UMAD1: variants seen among roughly 807,000 people sequenced by gnomAD.
UMAD1 encodes the protein UBAP1-MVB12-associated (UMA)-domain containing protein 1.
A neutral mutation model predicts 6.1 loss-of-function variants in UMAD1; 8 were observed. The ratio of observed to expected loss-of-function variants is 1.30; its 90% CI spans 0.76 to 2.35. The LOEUF is 2.35. Ranked by LOEUF, UMAD1 falls within the 30% of genes most tolerant of loss-of-function variation. The pLI, the probability that UMAD1 is intolerant of heterozygous loss-of-function variation, is 0.00. For synonymous variants in UMAD1, 56 were observed against 31.4 expected (o/e 1.78, Z -2.61); for missense variants, 130 against 78.4 (o/e 1.66, Z -2.49).
chr7:7,705,952 C>G (rs2115162544), intron 2 of UMAD1, among the ~76,000 whole-genome samples: 1 of 152,144 alleles, frequency 6.6e-6, no homozygotes, highest in Non-Finnish European at 1.5e-5. Context: ...CCTAAAACTG[C>G]TCTAAAAAAT....
chr7:7,708,927 C>T (rs924848512), intron 2 of UMAD1, among the ~76,000 whole-genome samples: 2 of 148,818 alleles, frequency 1.3e-5, no homozygotes, highest in African/African-American at 5.0e-5. Context: ...GTTTGTGTGT[C>T]TGTGTGTGTG....
chr7:7,802,185 C>T (rs924387328), intron 3 of UMAD1, among the ~76,000 whole-genome samples: 3 of 152,142 alleles, frequency 2.0e-5, no homozygotes, highest in Non-Finnish European at 2.9e-5. Flanking sequence ...CAAGACCATC[C>T]TGGCCAACAT....
chr7:7,771,010 G>T (rs1208509137), intron 2 of UMAD1, among the ~76,000 whole-genome samples: 2 of 152,134 alleles, frequency 1.3e-5, no homozygotes, highest in Non-Finnish European at 2.9e-5. Context: ...AGCAACCCTA[G>T]AGAGTAACAC....
chr7:7,718,298 G>A (rs1171906498), intron 2 of UMAD1, among the ~76,000 whole-genome samples: 2 of 152,062 alleles, frequency 1.3e-5, no homozygotes, highest in Non-Finnish European at 2.9e-5. Flanking sequence ...AAACTATTTT[G>A]ATATTTTTAT....
intron 3 of UMAD1, among the ~76,000 whole-genome samples, chr7:7,859,729 G>A (rs1367699298): frequency 7.2e-5 from 11 of 152,084 alleles, no homozygotes; most frequent in Non-Finnish European, 1.5e-4. Flanking sequence ...TCAACTTGAC[G>A]TACAAGTAAC....
chr7:7,678,724 T>C (rs1779827134), intron 2 of UMAD1, among the ~76,000 whole-genome samples: 13 of 113,460 alleles, frequency 1.1e-4, no homozygotes, highest in African/African-American at 2.3e-4. Context: ...AGTTTATAAA[T>C]ATATATTTAT....
intron 2 of UMAD1, among the ~76,000 whole-genome samples, chr7:7,749,084 C>A (rs1488000112): frequency 3.3e-5 from 5 of 152,038 alleles, no homozygotes; most frequent in African/African-American, 1.2e-4. Context: ...TTTAAACTTT[C>A]TAGCATGAGC....
intron 3 of UMAD1, among the ~76,000 whole-genome samples, chr7:7,874,636 G>A (rs1164057122): frequency 6.6e-6 from 1 of 152,166 alleles, no homozygotes; most frequent in Non-Finnish European, 1.5e-5. Flanking sequence ...AGCCAACATG[G>A]TGAAACCCTG....
intron 2 of UMAD1, among the ~76,000 whole-genome samples, chr7:7,720,502 A>G (rs959986914): frequency 2.0e-5 from 3 of 152,182 alleles, no homozygotes; most frequent in Non-Finnish European, 4.4e-5. Context: ...TTATGGTACT[A>G]TAGACTACTG....
chr7:7,764,904 T>C (rs1413187968), intron 2 of UMAD1, among the ~76,000 whole-genome samples: 1 of 152,164 alleles, frequency 6.6e-6, no homozygotes, highest in Non-Finnish European at 1.5e-5. Flanking sequence ...TCCTTCCCTG[T>C]ATGTACCTGC....
intron 3 of UMAD1, among the ~76,000 whole-genome samples, chr7:7,816,231 C>T (rs1025720108): frequency 2.0e-5 from 3 of 152,116 alleles, no homozygotes; most frequent in Admixed American, 6.6e-5. Context: ...TTGAGACTTG[C>T]GCCTGACTAA....
chr7:7,771,893 TAAC>T (rs1044277855), intron 2 of UMAD1, among the ~76,000 whole-genome samples: 7 of 152,204 alleles, frequency 4.6e-5, no homozygotes, highest in African/African-American at 9.7e-5. Flanking sequence ...ATCCTATTCT[TAAC>T]AACTATTTTT....
chr7:7,813,440 A>G (rs974397551), intron 3 of UMAD1, among the ~76,000 whole-genome samples: 24 of 152,148 alleles, frequency 1.6e-4, no homozygotes, highest in African/African-American at 4.8e-4. Flanking sequence ...TCCTGACCTC[A>G]TGATCCGCCT....
chr7:7,679,950 G>A (rs1046487128), intron 2 of UMAD1, among the ~76,000 whole-genome samples: 10 of 151,898 alleles, frequency 6.6e-5, no homozygotes, highest in Admixed American at 2.0e-4. Flanking sequence ...TCCATTGTCA[G>A]ATGAGTAGTT....
intron 3 of UMAD1, among the ~76,000 whole-genome samples, chr7:7,823,154 A>AT (rs1563235422): frequency 1.3e-5 from 2 of 152,100 alleles, no homozygotes; most frequent in African/African-American, 2.4e-5. Context: ...TCACACTTTT[A>AT]TATTGTTGTG....
intron 2 of UMAD1, among the ~76,000 whole-genome samples, chr7:7,739,682 A>G (rs547108579): frequency 6.6e-6 from 1 of 152,322 alleles, no homozygotes; most frequent in Non-Finnish European, 1.5e-5. Flanking sequence ...AGCACTTAAT[A>G]TTTCCTGATA....
chr7:7,834,016 CTTTTTTTTTT>C (rs4034895), intron 3 of UMAD1, among the ~76,000 whole-genome samples: 2 of 110,450 alleles, frequency 1.8e-5, no homozygotes, highest in South Asian at 3.0e-4. Flanking sequence ...TTTTTCTTTT[CTTTTTTTTTT>C]TTTTTTTTTT....
At chr7:7,775,402 C>T (rs1045673536) in intron 2 of UMAD1, among the ~76,000 whole-genome samples, 6 of 152,154 alleles carry the variant, frequency 3.9e-5, no homozygotes, top group Non-Finnish European at 5.9e-5. Context: ...AGTGAGTTCT[C>T]ATGAGATTTG....
In UMAD1 at chr7:7,830,106, C is replaced by G. The variant is rs560758523; in HGVS notation, c.156+28363C>G. Among the ~76,000 whole-genome samples, 1 of 152,308 alleles carries G rather than the reference C, an allele frequency of 6.6e-6. No individual in the cohort carries two copies. The highest frequency in any genetic ancestry group is 2.4e-5 in the African/African-American group (1 of 41,566). ...AAAGTTATATTATTTTCCCACCTCTCCCTCAAAAATCTACTATGTTATTTG... is the reference window on the plus strand; with the variant it reads ...AAAGTTATATTATTTTCCCACCTCTGCCTCAAAAATCTACTATGTTATTTG... On this transcript the variant is annotated intron_variant, in intron 3 of 3. Transcript: ENST00000682710. The surrounding 1 kb of genome is among the most constrained non-coding windows in gnomAD (Gnocchi z 5.3).
Sources: allele counts gnomAD v4.1 joint callset (sites outside exome capture counted in the v4.1 genomes callset), GRCh38; gene constraint gnomAD v4.1.1; non-coding constraint Gnocchi (gnomAD v3.1); transcripts MANE v1.5; gene names NCBI Gene and HGNC (gene_info 2026-07-23, HGNC 2026-07-21).